Variants in TRPC5 observed in about 807,000 individuals in gnomAD.
TRPC5 encodes short transient receptor potential channel 5.
TRPC5 carries 9 observed loss-of-function variants against 56.5 expected under a neutral mutation model. The observed-to-expected ratio is 0.16, with a 90% confidence interval of 0.10 to 0.28. TRPC5 has a LOEUF of 0.28. TRPC5 is among the 10% of genes least tolerant of loss of function. TRPC5 has a pLI of 1.00. For synonymous variants in TRPC5, 282 were observed against 278.5 expected (o/e 1.01, Z -0.13); for missense variants, 469 against 748.9 (o/e 0.63, Z 4.36).
At chrX:112,032,253 T>C (rs1227700781) in intron 1 of TRPC5, among the ~76,000 whole-genome samples, 1 of 110,243 alleles carries the variant, frequency 9.1e-6, no homozygotes, top group Non-Finnish European at 1.9e-5. Flanking sequence ...ACAACAAATG[T>C]TGGCAAGGGT....
chrX:111,837,053 G>A (rs1313640692), intron 6 of TRPC5, among the ~76,000 whole-genome samples: 2 of 112,582 alleles, frequency 1.8e-5, no homozygotes, highest in Non-Finnish European at 3.7e-5. Flanking sequence ...CTGCTAGAGA[G>A]CTAGCCTAAA....
intron 7 of TRPC5, among the ~76,000 whole-genome samples, chrX:111,810,457 TAATC>T (rs955313394): frequency 1.8e-5 from 2 of 111,851 alleles, no homozygotes; most frequent in African/African-American, 6.5e-5. Flanking sequence ...AAGGAGAACT[TAATC>T]AAGTATTCAG....
At chrX:112,051,142 G>T (rs911951925) in intron 1 of TRPC5, among the ~76,000 whole-genome samples, 1 of 112,596 alleles carries the variant, frequency 8.9e-6, no homozygotes, top group Non-Finnish European at 1.9e-5. Flanking sequence ...AGAGATAGAG[G>T]TCAGGATATT....
intron 1 of TRPC5, among the ~76,000 whole-genome samples, chrX:112,061,322 A>G (rs1294628423): frequency 8.9e-6 from 1 of 111,927 alleles, no homozygotes; most frequent in Non-Finnish European, 1.9e-5. Flanking sequence ...CCTGTGGTGT[A>G]CAAGTCCTGG....
chrX:111,823,521 T>C (rs1165850775), intron 7 of TRPC5, among the ~76,000 whole-genome samples: 1 of 111,385 alleles, frequency 9.0e-6, no homozygotes, highest in Non-Finnish European at 1.9e-5. Context: ...AACTTGGTAG[T>C]GCTGACCCGT....
intron 1 of TRPC5, among the ~76,000 whole-genome samples, chrX:112,011,482 T>C (rs2148662953): frequency 8.9e-6 from 1 of 111,970 alleles, no homozygotes; most frequent in East Asian, 2.8e-4. Context: ...CCTGTTCCCG[T>C]TGGAGGCTCC....
intron 1 of TRPC5, among the ~76,000 whole-genome samples, chrX:112,011,392 G>A (rs1928988289): frequency 8.9e-6 from 1 of 111,993 alleles, no homozygotes; most frequent in Admixed American, 9.4e-5. Flanking sequence ...TAATAAAAAG[G>A]TTACAGGCAT....
intron 2 of TRPC5, among the ~76,000 whole-genome samples, chrX:111,915,667 TG>T (rs1281987802): frequency 8.9e-6 from 1 of 112,486 alleles, no homozygotes; most frequent in African/African-American, 3.2e-5. Flanking sequence ...ACGTACTTTT[TG>T]CCTCCTTGAT....
intron 3 of TRPC5, among the ~76,000 whole-genome samples, chrX:111,909,374 T>C (rs923291555): frequency 9.2e-6 from 1 of 108,631 alleles, no homozygotes; most frequent in East Asian, 2.9e-4. Context: ...TAATTAATTT[T>C]TTAAGTGTGT....
intron 1 of TRPC5, among the ~76,000 whole-genome samples, chrX:112,062,893 G>A (rs73266350): frequency 0.046 from 5,161 of 111,487 alleles, 92 homozygotes; most frequent in Middle Eastern, 0.064. Flanking sequence ...CCAGCTCGGA[G>A]GCTTAGCTTG....
chrX:111,932,471 C>T (rs1367104926), intron 2 of TRPC5, among the ~76,000 whole-genome samples: 3 of 110,710 alleles, frequency 2.7e-5, no homozygotes, highest in African/African-American at 6.6e-5. Flanking sequence ...AGGAAGAAGA[C>T]AGATGAAAGA....
intron 1 of TRPC5, among the ~76,000 whole-genome samples, chrX:111,972,579 T>C (rs1203711099): frequency 8.9e-6 from 1 of 112,496 alleles, no homozygotes; most frequent in African/African-American, 3.2e-5. Context: ...TTGCACTGCG[T>C]GCTTGGTGCG....
intron 1 of TRPC5, among the ~76,000 whole-genome samples, chrX:111,976,992 A>G (rs1927947396): frequency 8.9e-6 from 1 of 111,844 alleles, no homozygotes; most frequent in East Asian, 2.8e-4. Context: ...AGAAATCTAG[A>G]AAAGACACAA....
At chrX:111,929,262 A>T (rs764104554) in intron 2 of TRPC5, among the ~76,000 whole-genome samples, 11 of 112,119 alleles carry the variant, frequency 9.8e-5, no homozygotes, top group African/African-American at 3.6e-4. Context: ...CCTCATTCAT[A>T]TACTTGAGAC....
At chrX:111,813,651 C>A (rs965523173) in intron 7 of TRPC5, among the ~76,000 whole-genome samples, 2 of 112,368 alleles carry the variant, frequency 1.8e-5, no homozygotes, top group Non-Finnish European at 3.8e-5. Flanking sequence ...GGGAGAGTGG[C>A]AGGCACAAAC....
chrX:111,968,820 T>G (rs1436911502), intron 1 of TRPC5, among the ~76,000 whole-genome samples: 3 of 63,635 alleles, frequency 4.7e-5, no homozygotes, highest in African/African-American at 2.0e-4. Context: ...CTCTGGGGAC[T>G]GTTGTGGGGT....
chrX:111,964,786 T>C (rs1260308870), intron 1 of TRPC5, among the ~76,000 whole-genome samples: 2 of 111,262 alleles, frequency 1.8e-5, no homozygotes, highest in African/African-American at 3.3e-5. Flanking sequence ...AGAGATTTTG[T>C]CACCACCAGG....
chrX:111,940,410 G>A (rs1926738919), intron 2 of TRPC5, among the ~76,000 whole-genome samples: 1 of 111,551 alleles, frequency 9.0e-6, no homozygotes, highest in Admixed American at 9.5e-5. Context: ...ATATATTCCG[G>A]CCAGGCGCGG....
At chrX:111,821,284 C>T (rs768114777) in intron 7 of TRPC5, among the ~76,000 whole-genome samples, 1 of 111,226 alleles carries the variant, frequency 9.0e-6, no homozygotes, top group South Asian at 3.8e-4. Flanking sequence ...AATTGGGATA[C>T]AGAACAAAAC....
Sources: gnomAD v4.1 joint callset for allele counts (sites outside exome capture counted in the v4.1 genomes callset) on GRCh38, gnomAD v4.1.1 for gene constraint, MANE v1.5 for transcripts, NCBI Gene and HGNC (gene_info 2026-07-23, HGNC 2026-07-21) for gene names.